MILR1: variants seen among roughly 807,000 people sequenced by gnomAD.
The protein encoded by MILR1 is allergin-1.
In MILR1, 31 loss-of-function variants were observed where a neutral mutation model predicts 18.5. The observed-to-expected ratio is 1.68, with a 90% CI of 1.26 to 2.26. The LOEUF is 2.26. MILR1 is among the 30% of genes most tolerant of loss of function. The pLI is 0.00. For synonymous variants in MILR1, 85 were observed against 56.2 expected (o/e 1.51, Z -2.30); for missense variants, 257 against 157.4 (o/e 1.63, Z -3.38).
chr17:64,486,951 T>C, the MILR1 span: 1 of 152,242 alleles, frequency 6.6e-6, no homozygotes, highest in African/African-American at 2.4e-5. Context: ...ATTTCAATCC[T>C]AGAAATTTCT....
At chr17:64,454,510 C>G (rs1289798552) in intron 3 of MILR1, among the ~76,000 whole-genome samples, 1 of 152,198 alleles carries the variant, frequency 6.6e-6, no homozygotes, top group Non-Finnish European at 1.5e-5. Flanking sequence ...AGATGTAGAC[C>G]ATTCCCATCA....
At chr17:64,472,246 C>T (rs2037697173), downstream of MILR1, among the ~76,000 whole-genome samples, 2 of 151,758 alleles carry the variant, frequency 1.3e-5, no homozygotes, top group African/African-American at 4.8e-5. Flanking sequence ...GCAGGTGGAT[C>T]ACCTGAGGTT....
At chr17:64,476,988 G>A in the MILR1 span, among the ~76,000 whole-genome samples, 19 of 152,192 alleles carry the variant, frequency 1.2e-4, no homozygotes, top group African/African-American at 4.6e-4. Context: ...ACACATAAAA[G>A]TTAAAAGATT....
At chr17:64,457,337 T>C (rs1407848392) in intron 3 of MILR1, 63 bp from the exon 4 acceptor site, 7 of 445,084 alleles carry the variant, frequency 1.6e-5, no homozygotes, top group African/African-American at 1.4e-4. Flanking sequence ...CCACTCATAT[T>C]TGTGGTCTGA....
chr17:64,483,790 C>T, the MILR1 span, among the ~76,000 whole-genome samples: 1 of 151,682 alleles, frequency 6.6e-6, no homozygotes, highest in South Asian at 2.1e-4. Context: ...TGCCTCACTG[C>T]AACCCCCACC....
At chr17:64,476,463 T>A in the MILR1 span, among the ~76,000 whole-genome samples, 1 of 152,106 alleles carries the variant, frequency 6.6e-6, no homozygotes, top group East Asian at 1.9e-4. Flanking sequence ...GAGGATCACT[T>A]GAGCCTAGGA....
downstream of MILR1, among the ~76,000 whole-genome samples, chr17:64,469,002 G>A (rs1386762294): frequency 4.0e-5 from 6 of 151,836 alleles, no homozygotes; most frequent in African/African-American, 1.5e-4. Context: ...CATGAGAATC[G>A]CTTAAATCTG....
chr17:64,467,935 CAAA>C (rs112297771), intron 9 of MILR1: 483 of 158,712 alleles, frequency 3.0e-3, no homozygotes, highest in Middle Eastern at 0.011. Context: ...GACTTCATCT[CAAA>C]AAAAAAAAAA....
chr17:64,455,885 C>G (rs1159101577), intron 3 of MILR1, among the ~76,000 whole-genome samples: 1 of 151,644 alleles, frequency 6.6e-6, no homozygotes, highest in Admixed American at 6.6e-5. Context: ...ACTAAAAATA[C>G]AAAAATTAGC....
At chr17:64,470,122 C>G (rs374961182), downstream of MILR1, among the ~76,000 whole-genome samples, 9 of 152,256 alleles carry the variant, frequency 5.9e-5, no homozygotes, top group South Asian at 1.9e-3. Context: ...GAGACAGAGT[C>G]TCTCTCTGTT....
chr17:64,470,260 A>AT (rs2037667135), downstream of MILR1, among the ~76,000 whole-genome samples: 1 of 151,936 alleles, frequency 6.6e-6, no homozygotes, highest in Non-Finnish European at 1.5e-5. Flanking sequence ...TGCCCAGCTA[A>AT]TTTTTGTATT....
chr17:64,480,439 G>C, the MILR1 span: 3 of 878,210 alleles, frequency 3.4e-6, no homozygotes, highest in Middle Eastern at 2.2e-4. Context: ...ATGGTAGCTA[G>C]AGTGATTATT....
downstream of MILR1, among the ~76,000 whole-genome samples, chr17:64,470,907 G>A (rs1230535954): frequency 6.6e-6 from 1 of 152,154 alleles, no homozygotes; most frequent in East Asian, 1.9e-4. Flanking sequence ...TTCAAGTGCT[G>A]GAATGCTGGC....
intron 5 of MILR1, among the ~76,000 whole-genome samples, chr17:64,463,063 C>T (rs1368859140): frequency 1.3e-5 from 2 of 152,078 alleles, no homozygotes; most frequent in Admixed American, 6.6e-5. Context: ...ACACCAGACT[C>T]AAAAAAACAA....
chr17:64,475,808 CTTTTTTTTTTTTTT>C, the MILR1 span, among the ~76,000 whole-genome samples: 1 of 102,502 alleles, frequency 9.8e-6, no homozygotes, highest in Non-Finnish European at 1.8e-5. Context: ...CTACCACTTC[CTTTTTTTTTTTTTT>C]TTTTTTTTTG....
intron 3 of MILR1, among the ~76,000 whole-genome samples, chr17:64,453,359 A>G (rs928121833): frequency 6.6e-6 from 1 of 152,056 alleles, no homozygotes; most frequent in Non-Finnish European, 1.5e-5. Flanking sequence ...GTAAGCCACC[A>G]TGCCCAGTGA....
chr17:64,482,020 G>A, the MILR1 span, among the ~76,000 whole-genome samples: 5 of 149,556 alleles, frequency 3.3e-5, no homozygotes, highest in African/African-American at 9.8e-5. Context: ...CCAATGAACT[G>A]TATTCAGCTT....
At chr17:64,449,595 ACTTTC>A (rs2037119508) in intron 2 of MILR1, among the ~76,000 whole-genome samples, 1 of 152,118 alleles carries the variant, frequency 6.6e-6, no homozygotes, top group African/African-American at 2.4e-5. Flanking sequence ...AAGTTTTCTA[ACTTTC>A]CTTGTTATTG....
At chr17:64,449,267 C>T (rs980631771) in intron 1 of MILR1, 44 bp downstream of exon 1, 13 of 473,192 alleles carry the variant, frequency 2.7e-5, no homozygotes, top group Non-Finnish European at 3.9e-5. Flanking sequence ...TCCAAGCCAA[C>T]GTGTCATGTG....
Sources: gnomAD v4.1 joint callset for allele counts (sites outside exome capture counted in the v4.1 genomes callset) on GRCh38, gnomAD v4.1.1 for gene constraint, MANE v1.5 for transcripts, NCBI Gene and HGNC (gene_info 2026-07-23, HGNC 2026-07-21) for gene names.